Variants in CFAP206 observed in about 807,000 individuals in gnomAD.
CFAP206 encodes cilia- and flagella-associated protein 206.
In CFAP206, 53 loss-of-function variants were observed where a neutral mutation model predicts 65.4. The observed-to-expected ratio is 0.81, with a 90% CI of 0.65 to 1.02. The LOEUF is 1.02. Ranked by LOEUF, CFAP206 falls within the 50% of genes least tolerant of loss-of-function variation. The pLI is 0.00. For missense variants in CFAP206, 663 were observed against 753.2 expected, an observed-to-expected ratio of 0.88 and a Z score of 1.40; for synonymous variants, 250 against 254.4, an observed-to-expected ratio of 0.98 and a Z score of 0.17.
intron 7 of CFAP206, among the ~76,000 whole-genome samples, chr6:87,423,615 G>A (rs1376404142): frequency 6.6e-6 from 1 of 152,176 alleles, no homozygotes; most frequent in African/African-American, 2.4e-5. Flanking sequence ...CTTTTATTTT[G>A]GAGAACGTAT....
chr6:87,460,142 T>G (rs1768719124), intron 11 of CFAP206, among the ~76,000 whole-genome samples: 1 of 152,196 alleles, frequency 6.6e-6, no homozygotes, highest in East Asian at 1.9e-4. Context: ...TTCTCCCTCC[T>G]TTTTACTGTG....
intron 8 of CFAP206, among the ~76,000 whole-genome samples, chr6:87,427,854 A>G (rs1001505464): frequency 1.4e-4 from 21 of 152,226 alleles, no homozygotes; most frequent in African/African-American, 4.3e-4. Context: ...TTCTCCTCTA[A>G]ACACATCTTC....
intron 11 of CFAP206, among the ~76,000 whole-genome samples, chr6:87,454,961 C>T (rs546192303): frequency 4.6e-5 from 7 of 151,184 alleles, no homozygotes; most frequent in Non-Finnish European, 1.0e-4. Context: ...CTCCCTCTGT[C>T]GCCCAGCCTG....
intron 11 of CFAP206, among the ~76,000 whole-genome samples, chr6:87,454,159 A>T (rs1353136694): frequency 1.3e-5 from 2 of 152,236 alleles, no homozygotes; most frequent in Non-Finnish European, 2.9e-5. Flanking sequence ...TCATTATATG[A>T]TAAAAGTATC....
intron 11 of CFAP206, among the ~76,000 whole-genome samples, chr6:87,451,209 G>C (rs1236577215): frequency 6.6e-6 from 1 of 152,196 alleles, no homozygotes; most frequent in Non-Finnish European, 1.5e-5. Flanking sequence ...TGAGACACCA[G>C]CTACGGTAGA....
intron 6 of CFAP206, among the ~76,000 whole-genome samples, 171 bp from the exon 7 acceptor site, chr6:87,418,037 C>T (rs1311049339): frequency 6.6e-6 from 1 of 152,074 alleles, no homozygotes; most frequent in African/African-American, 2.4e-5. Context: ...CACCCCCGGC[C>T]TAGATTTTCT....
intron 11 of CFAP206, chr6:87,444,592 G>A: frequency 3.2e-6 from 1 of 308,370 alleles, no homozygotes; most frequent in Non-Finnish European, 6.3e-6. Context: ...GCCATTCCAG[G>A]CATTCCTTCA....
At position 87,418,246 on chromosome 6, in the gene CFAP206, C is replaced by A; in HGVS notation, c.670C>A (p.Gln224Lys). 1 of 1,614,142 alleles carries A rather than the reference C, an allele frequency of 6.2e-7. No individual in the cohort carries two copies. Among genetic ancestry groups the A allele is most frequent in the Non-Finnish European group, 8.5e-7 (1 of 1,180,032 alleles). Residue 224 changes from glutamine (Q) to lysine (K), a missense_variant, in exon 7 of 13, where the codon CAG becomes AAG. Coordinates refer to ENST00000369562, the MANE Select transcript of CFAP206 (RefSeq NM_001031743.3). The part of the protein sequence containing the change: ...VLHVAIPATM[Q>K]HIDYQLETAR... Reference sequence around the variant, plus strand: ...CCATGTAGCAATCCCAGCCACCATGCAGCATATTGATTACCAGCTTGAGAC... The same window carrying A: ...CCATGTAGCAATCCCAGCCACCATGAAGCATATTGATTACCAGCTTGAGAC...
At chr6:87,456,742 C>G (rs957665877) in intron 11 of CFAP206, among the ~76,000 whole-genome samples, 2 of 152,064 alleles carry the variant, frequency 1.3e-5, no homozygotes, top group African/African-American at 2.4e-5. Context: ...TGAAAGAAAT[C>G]AAGAAAGTAA....
In CFAP206 at chr6:87,464,138, A is replaced by T. The variant is rs747810726; in HGVS notation, c.1757A>T (p.Asp586Val). The T allele has an allele frequency of 1.9e-6, 3 of 1,614,208 alleles. No homozygotes were observed. Among genetic ancestry groups the T allele is most frequent in the Non-Finnish European group, 2.5e-6 (3 of 1,180,038 alleles). ...KDTSTQSMRE[D>V]STGVPRPQIY... ...ACTAGCACCCAGTCCATGAGGGAAG[A>T]CAGCACTGGGGTGCCCAGGCCTCAG... The change falls in exon 13 of 13, where the codon GAC (aspartate) becomes GTC (valine). Residue 586 changes from aspartate (D) to valine (V), a missense_variant. By Grantham distance (152) the Asp-to-Val change is radical. Coordinates refer to ENST00000369562, the MANE Select transcript of CFAP206 (RefSeq NM_001031743.3).
intron 11 of CFAP206, among the ~76,000 whole-genome samples, chr6:87,452,115 G>A (rs1419765278): frequency 6.6e-6 from 1 of 152,186 alleles, no homozygotes; most frequent in Non-Finnish European, 1.5e-5. Context: ...GGCGCAACAT[G>A]GGGAGAGAGA....
chr6:87,438,863 A>C (rs1222829382), intron 11 of CFAP206, among the ~76,000 whole-genome samples: 7 of 152,174 alleles, frequency 4.6e-5, no homozygotes, highest in Non-Finnish European at 8.8e-5. Context: ...AAATAATGTA[A>C]ATGTATTTCC....
In CFAP206 at chr6:87,416,823, T is replaced by A. The variant is rs768793522; in HGVS notation, c.627T>A (p.Asp209Glu). 3.0e-5 allele frequency: 48 copies of A among 1,612,656 alleles called. No individual in the cohort carries two copies. The highest frequency in any genetic ancestry group is 1.3e-4 in the Admixed American group (8 of 59,952). Residue 209 changes from aspartate to glutamate, a missense_variant, in exon 6 of 13, where the codon GAT (aspartate) becomes GAA (glutamate). Coordinates refer to ENST00000369562, the MANE Select transcript of CFAP206 (RefSeq NM_001031743.3). ...RDCGKGGEGI[D>E]DLPAVLHVAI... ...GTGGAAAAGGAGGAGAAGGCATTGA[T>A]GATTGTAGGTATATCATTAGATTAA... is the stretch of plus-strand genomic sequence containing the variant.
Position 87,464,261 on chromosome 6 carries a change from C to T in CFAP206, c.*11C>T, listed in dbSNP as rs373109288. The T allele has an allele frequency of 9.4e-6, 15 of 1,599,472 alleles. No individual in the cohort carries two copies. Among genetic ancestry groups the T allele is most frequent in the African/African-American group, 2.7e-5 (2 of 74,544 alleles). ...GTGGATGAAACCTAATTACAGACAA[C>T]GTTTTAAAATAGATGCTACTCAATT... On this transcript the variant is annotated 3_prime_UTR_variant, in exon 13 of 13. Transcript: ENST00000369562.
Position 87,411,043 on chromosome 6 carries a change from G to A in CFAP206, c.192+375G>A, listed in dbSNP as rs533841007. On this transcript the variant is annotated intron_variant, in intron 3 of 12. Transcript: ENST00000369562. ...AACATTTATTGACCAGAATGATATTGTAAGTGACCCAGGGACATTTCACTT... is the reference window on the plus strand; with the variant it reads ...AACATTTATTGACCAGAATGATATTATAAGTGACCCAGGGACATTTCACTT... Among the ~76,000 whole-genome samples the A allele has an allele frequency of 4.1e-5, 6 of 146,818 alleles. No individual in the cohort carries two copies. In the South Asian group the frequency reaches 1.3e-3, roughly 31 times the overall value.
intron 11 of CFAP206, among the ~76,000 whole-genome samples, chr6:87,458,893 G>A (rs1415604503): frequency 6.6e-6 from 1 of 151,936 alleles, no homozygotes; most frequent in East Asian, 1.9e-4. Context: ...ATTACACATT[G>A]TATGCCTGTA....
intron 3 of CFAP206, 66 bp downstream of exon 3, chr6:87,410,734 T>G: frequency 8.2e-7 from 1 of 1,223,214 alleles, no homozygotes; most frequent in Non-Finnish European, 1.2e-6. Flanking sequence ...ATATTTGTAT[T>G]AGTCATTATT....
At chr6:87,447,435 A>G (rs1222167899) in intron 11 of CFAP206, among the ~76,000 whole-genome samples, 3 of 152,098 alleles carry the variant, frequency 2.0e-5, no homozygotes, top group Non-Finnish European at 4.4e-5. Flanking sequence ...TGAGATAATC[A>G]TGTGGTTTTT....
At chr6:87,428,590 C>CA (rs760817966) in intron 8 of CFAP206, 36 bp from the exon 9 acceptor site, 41 of 1,531,982 alleles carry the variant, frequency 2.7e-5, no homozygotes, top group Non-Finnish European at 3.5e-5. Flanking sequence ...TTTTATTACA[C>CA]AGTTGCATTT....
Sources: allele counts gnomAD v4.1 joint callset (sites outside exome capture counted in the v4.1 genomes callset), GRCh38; gene constraint gnomAD v4.1.1; transcripts MANE v1.5; gene names NCBI Gene and HGNC (gene_info 2026-07-23, HGNC 2026-07-21).